PLSCR2: variants seen among roughly 807,000 people sequenced by gnomAD.
The protein encoded by PLSCR2 is phospholipid scramblase 2, also known as PL scramblase 2.
PLSCR2 carries 18 observed loss-of-function variants against 25.3 expected under a neutral mutation model. The observed-to-expected ratio is 0.71, with a 90% CI of 0.49 to 1.06. The LOEUF is 1.06. Ranked by LOEUF, PLSCR2 falls within the 50% of genes least tolerant of loss-of-function variation. The probability of loss-of-function intolerance (pLI) is 0.00; values close to 1 mark genes in which losing one functional copy is unlikely to be tolerated. For missense variants in PLSCR2, 243 were observed against 269.5 expected (o/e 0.90, Z 0.69); for synonymous variants, 88 against 87.3 (o/e 1.01, Z -0.04).
At chr3:146,461,992 A>C (rs1370268251), upstream of PLSCR2, 13 of 1,005,220 alleles carry the variant, frequency 1.3e-5, no homozygotes, top group Middle Eastern at 6.6e-4. Flanking sequence ...AGTCAACAAC[A>C]CATTTAGTAT....
Position 146,394,607 on chromosome 3 carries a change from GT to G in PLSCR2, c.*145+1152del, listed in dbSNP as rs146670495. Among the ~76,000 whole-genome samples, 1,427 of 152,262 alleles carry G rather than the reference GT, an allele frequency of 9.4e-3. 23 individuals are homozygous for G. Among genetic ancestry groups the G allele is most frequent in the African/African-American group, 0.032 (1,343 of 41,552 alleles). ...ATCTATCAACTGGTAATTACAGAAGGTTTACAAATAATGTCATTTTGTTAAA... is the reference window on the plus strand; with the variant it reads ...ATCTATCAACTGGTAATTACAGAAGGTTACAAATAATGTCATTTTGTTAAA... On this transcript the variant is annotated intron_variant and NMD_transcript_variant, in intron 3 of 3. Coordinates refer to the PLSCR2 transcript ENST00000463633.
At chr3:146,459,904 T>C in exon 2 of PLSCR2, 1 of 1,614,086 alleles carries the variant, frequency 6.2e-7, no homozygotes, top group South Asian at 1.1e-5. Context: ...GGTGCTGGCA[T>C]CCATGGTACC....
chr3:146,490,022 A>G (rs1046248263), intron 1 of PLSCR2, among the ~76,000 whole-genome samples: 2 of 152,066 alleles, frequency 1.3e-5, no homozygotes, highest in Admixed American at 1.3e-4. Flanking sequence ...ACTCAAGTCC[A>G]AAAATCTCAT....
chr3:146,412,300 G>A (rs534126399), intron 2 of PLSCR2, among the ~76,000 whole-genome samples: 1 of 152,226 alleles, frequency 6.6e-6, no homozygotes, highest in Middle Eastern at 3.4e-3. Flanking sequence ...TTGCCCTAGT[G>A]CAGGCTTTCT....
At chr3:146,437,950 TC>T (rs2039987761), downstream of PLSCR2, among the ~76,000 whole-genome samples, 1 of 152,218 alleles carries the variant, frequency 6.6e-6, no homozygotes, top group Admixed American at 6.5e-5. Flanking sequence ...ATTAAATGTG[TC>T]CCAGAGATTC....
rs779123307 is a variant in PLSCR2, at chr3:146,470,004, C to G, written c.-292-9720G>C. On this transcript the variant is annotated intron_variant, in intron 1 of 8. Coordinates refer to the PLSCR2 transcript ENST00000336685. Reference sequence around the variant, plus strand: ...CCTTAACTCTGCTCTTGACCTCCATCCCTTAGAAGCCTGTAGCTTTTCAAG... The same window carrying G: ...CCTTAACTCTGCTCTTGACCTCCATGCCTTAGAAGCCTGTAGCTTTTCAAG... Among the ~76,000 whole-genome samples the G allele has an allele frequency of 2.0e-4, 31 of 152,156 alleles. 1 individual carries two copies. The highest frequency in any genetic ancestry group is 1.2e-3 in the Admixed American group (19 of 15,278).
At chr3:146,423,238 T>TCTCTCTC (rs1391417587) in intron 2 of PLSCR2, among the ~76,000 whole-genome samples, 1 of 58,428 alleles carries the variant, frequency 1.7e-5, no homozygotes, top group Non-Finnish European at 3.5e-5. Flanking sequence ...GCAGTGCCTC[T>TCTCTCTC]CTCTCTCTCT....
At chr3:146,471,609 C>T (rs1480907137) in intron 1 of PLSCR2, among the ~76,000 whole-genome samples, 1 of 151,326 alleles carries the variant, frequency 6.6e-6, no homozygotes, top group East Asian at 1.9e-4. Flanking sequence ...CTCTGTTGCC[C>T]CGACTGGAGT....
At chr3:146,408,854 C>T (rs903796634) in intron 2 of PLSCR2, among the ~76,000 whole-genome samples, 4 of 152,266 alleles carry the variant, frequency 2.6e-5, no homozygotes, top group African/African-American at 7.2e-5. Context: ...TCATCTAAAG[C>T]TCTCCTTCCA....
At chr3:146,459,256 T>C (rs1319541848) in intron 2 of PLSCR2, among the ~76,000 whole-genome samples, 2 of 151,992 alleles carry the variant, frequency 1.3e-5, no homozygotes, top group African/African-American at 4.8e-5. Context: ...AAAAAATGAG[T>C]CAAATCCCAC....
chr3:146,470,334 C>T (rs992088297), intron 1 of PLSCR2, among the ~76,000 whole-genome samples: 1 of 152,162 alleles, frequency 6.6e-6, no homozygotes, highest in Admixed American at 6.5e-5. Context: ...CACCTGAGAC[C>T]AGGAGTTCAA....
At chr3:146,404,580 C>T (rs115841863) in intron 2 of PLSCR2, among the ~76,000 whole-genome samples, 17 of 152,294 alleles carry the variant, frequency 1.1e-4, no homozygotes, top group African/African-American at 4.1e-4. Context: ...TTACATTCTT[C>T]TCACATGCAA....
chr3:146,486,045 G>C (rs2043328191), intron 1 of PLSCR2, among the ~76,000 whole-genome samples: 1 of 151,990 alleles, frequency 6.6e-6, no homozygotes, highest in Non-Finnish European at 1.5e-5. Flanking sequence ...TGAGATTTGG[G>C]TGGAGACACA....
chr3:146,454,039 C>T, exon 5 of PLSCR2: 2 of 1,608,842 alleles, frequency 1.2e-6, no homozygotes, highest in Non-Finnish European at 1.7e-6. Flanking sequence ...GCACACGATA[C>T]ATGGACCACT....
At chr3:146,394,289 T>A (rs2038199768) in intron 3 of PLSCR2, among the ~76,000 whole-genome samples, 1 of 152,036 alleles carries the variant, frequency 6.6e-6, no homozygotes, top group Non-Finnish European at 1.5e-5. Flanking sequence ...TTTTTTGAGA[T>A]GGAGTTTCGC....
chr3:146,479,502 T>G (rs2043053833), intron 1 of PLSCR2, among the ~76,000 whole-genome samples: 1 of 152,176 alleles, frequency 6.6e-6, no homozygotes, highest in Admixed American at 6.5e-5. Flanking sequence ...AGAAGGCCAT[T>G]ACATAATGGT....
In PLSCR2 at chr3:146,449,302, T is replaced by A. The variant is rs118036548; in HGVS notation, c.549A>T (p.Arg183Ser). The change falls in exon 6 of 7, where the codon AGA (arginine) becomes AGT (serine). Residue 183 changes from arginine to serine, a missense_variant. Coordinates refer to ENST00000610787, the Ensembl canonical transcript of PLSCR2. The stretch of plus-strand genomic sequence containing the variant: ...AGTTGTCAGCATCAGTAAATGCCTC[T>A]CTTAAAAACCCAGACCAGTGCTTAG... 6.5e-3 allele frequency: 10,515 copies of A among 1,611,536 alleles called. 262 individuals are homozygous for A. Among genetic ancestry groups the A allele is most frequent in the East Asian group, 0.062 (2,796 of 44,738 alleles).
chr3:146,454,236 T>G, intron 4 of PLSCR2, 73 bp from the exon 5 acceptor site: 20 of 1,085,772 alleles, frequency 1.8e-5, no homozygotes, highest in Non-Finnish European at 2.6e-5. Flanking sequence ...TCTAATTTAC[T>G]GAGCATTTCC....
chr3:146,428,962 T>A (rs1197298917), downstream of PLSCR2, among the ~76,000 whole-genome samples: 1 of 152,230 alleles, frequency 6.6e-6, no homozygotes, highest in African/African-American at 2.4e-5. Context: ...CAGTCCTTTT[T>A]TCTATGTTTG....
Sources: gnomAD v4.1 joint callset for allele counts (sites outside exome capture counted in the v4.1 genomes callset) on GRCh38, gnomAD v4.1.1 for gene constraint, MANE v1.5 for transcripts, NCBI Gene and HGNC (gene_info 2026-07-23, HGNC 2026-07-21) for gene names.